Variants in PTK2 observed in about 807,000 individuals in gnomAD.
PTK2 encodes protein tyrosine kinase 2.
In PTK2, 45 loss-of-function variants were observed where a neutral mutation model predicts 150.1. The ratio of observed to expected loss-of-function variants is 0.30; its 90% CI spans 0.24 to 0.38. The LOEUF (loss-of-function observed/expected upper bound fraction) is 0.38. Among genes scored for constraint, PTK2 ranks in the 10% least tolerant of loss-of-function variants. The pLI, the probability that PTK2 is intolerant of heterozygous loss-of-function variation, is 1.00. For synonymous variants in PTK2, 432 were observed against 449.2 expected (o/e 0.96, Z 0.48); for missense variants, 919 against 1,307.3 (o/e 0.70, Z 4.58).
chr8:140,882,408 T>A (rs1006805388), intron 3 of PTK2, among the ~76,000 whole-genome samples: 2 of 152,076 alleles, frequency 1.3e-5, no homozygotes, highest in Non-Finnish European at 1.5e-5. Flanking sequence ...AGGACATGGG[T>A]TTTTAATATG....
chr8:140,679,592 C>T (rs960977909), intron 27 of PTK2, among the ~76,000 whole-genome samples: 1 of 152,128 alleles, frequency 6.6e-6, no homozygotes, highest in Non-Finnish European at 1.5e-5. Flanking sequence ...AGCTGCAGAG[C>T]TGTTAGGGGC....
chr8:140,915,781 A>T (rs2154608116), intron 2 of PTK2, among the ~76,000 whole-genome samples: 1 of 152,206 alleles, frequency 6.6e-6, no homozygotes, highest in South Asian at 2.1e-4. Context: ...GGGTTCCTGT[A>T]ATCCCAGCTA....
chr8:140,927,947 A>G lies in PTK2; in HGVS notation c.-121-2198T>C, dbSNP rs2100170117. Among the ~76,000 whole-genome samples the G allele has an allele frequency of 7.4e-5, 8 of 107,602 alleles. No individual in the cohort carries two copies. In the Admixed American group the frequency reaches 1.0e-3, roughly 14 times the overall value. The allele number at this position is 107,602 out of a possible 152,430, so 70.6% of individuals were successfully genotyped here. A position where few individuals can be genotyped will look rare whatever the true frequency, so the allele number is the denominator to read the frequency against. ...AAAACTCCATCTCAAAAAGAAAAAA[A>G]AAAAAAAAAAGAAAAAAAAAAAAAA... is the stretch of plus-strand genomic sequence containing the variant. On this transcript the variant is annotated intron_variant, in intron 1 of 31. Transcript: ENST00000522684.
chr8:140,803,288 G>A (rs557897728), intron 11 of PTK2, among the ~76,000 whole-genome samples: 2 of 152,084 alleles, frequency 1.3e-5, no homozygotes, highest in African/African-American at 4.8e-5. Flanking sequence ...GTGGGCCACC[G>A]CGCCTGGCCT....
At chr8:140,770,760 C>T (rs756426557) in intron 14 of PTK2, 7 of 1,354,642 alleles carry the variant, frequency 5.2e-6, no homozygotes, top group Admixed American at 2.0e-5. Context: ...AGGGAGAAAG[C>T]GCCTAGCTTT....
At chr8:140,937,519 T>A (rs144177462) in intron 1 of PTK2, among the ~76,000 whole-genome samples, 2,257 of 151,084 alleles carry the variant, frequency 0.015, 33 homozygotes, top group Non-Finnish European at 0.023. Flanking sequence ...CACCTTTGAC[T>A]ACAGGCATTT....
intron 14 of PTK2, among the ~76,000 whole-genome samples, chr8:140,769,116 T>C (rs2100074097): frequency 1.3e-5 from 2 of 152,220 alleles, no homozygotes; most frequent in Admixed American, 1.3e-4. Context: ...CCAATTATCA[T>C]TATTGCTGAT....
chr8:140,686,507 A>T, intron 27 of PTK2, 125 bp downstream of exon 30: 2 of 820,256 alleles, frequency 2.4e-6, no homozygotes, highest in Non-Finnish European at 4.0e-6. Context: ...TTAAAATGTT[A>T]ACTTTATAGA....
At chr8:140,961,024 G>C (rs2100182996) in intron 1 of PTK2, among the ~76,000 whole-genome samples, 1 of 152,126 alleles carries the variant, frequency 6.6e-6, no homozygotes, top group African/African-American at 2.4e-5. Context: ...CTTTTCCTTG[G>C]AAATGTACTT....
intron 14 of PTK2, among the ~76,000 whole-genome samples, chr8:140,766,505 TTTTG>T (rs2100072367): frequency 6.6e-6 from 1 of 152,200 alleles, no homozygotes; most frequent in Non-Finnish European, 1.5e-5. Flanking sequence ...CCTGATATAA[TTTTG>T]TTTCCTGTGA....
chr8:140,868,023 A>T (rs549800436), intron 4 of PTK2, among the ~76,000 whole-genome samples: 1 of 152,318 alleles, frequency 6.6e-6, no homozygotes, highest in Admixed American at 6.5e-5. Context: ...GCAGCTAAAT[A>T]CTATGCCCCA....
At chr8:140,924,038 C>T (rs778543221) in intron 2 of PTK2, among the ~76,000 whole-genome samples, 5 of 152,190 alleles carry the variant, frequency 3.3e-5, no homozygotes, top group Admixed American at 6.5e-5. Flanking sequence ...AGATTCAGCA[C>T]CTACATACTT....
At chr8:140,780,855 G>A (rs566102022) in intron 14 of PTK2, among the ~76,000 whole-genome samples, 4 of 152,174 alleles carry the variant, frequency 2.6e-5, no homozygotes, top group Non-Finnish European at 5.9e-5. Context: ...AGGCAGAGGT[G>A]AAATAAAATT....
intron 11 of PTK2, among the ~76,000 whole-genome samples, chr8:140,802,996 G>C (rs1304246734): frequency 3.6e-5 from 5 of 137,348 alleles, no homozygotes; most frequent in African/African-American, 1.1e-4. Flanking sequence ...CTTGGTACTT[G>C]ATGACAATCT....
At chr8:140,806,112 G>A (rs942136077) in intron 10 of PTK2, among the ~76,000 whole-genome samples, 3 of 152,128 alleles carry the variant, frequency 2.0e-5, no homozygotes, top group South Asian at 4.1e-4. Flanking sequence ...CTGCATCCTC[G>A]ACGGCTTTCA....
At chr8:140,802,409 T>C (rs1361281818) in intron 11 of PTK2, among the ~76,000 whole-genome samples, 1 of 152,166 alleles carries the variant, frequency 6.6e-6, no homozygotes. Flanking sequence ...CTGTACAATA[T>C]ATTTAAAATT....
chr8:140,727,483 T>C (rs1277236167), intron 22 of PTK2, among the ~76,000 whole-genome samples: 4 of 136,522 alleles, frequency 2.9e-5, no homozygotes, highest in Non-Finnish European at 4.7e-5. Flanking sequence ...CCCAATAGGA[T>C]AGCAATGCAA....
chr8:140,998,835 A>C (rs1260915753), intron 1 of PTK2, among the ~76,000 whole-genome samples: 4 of 152,000 alleles, frequency 2.6e-5, no homozygotes, highest in East Asian at 3.9e-4. Flanking sequence ...AAAAAAAAAA[A>C]AACTATTTTC....
intron 2 of PTK2, among the ~76,000 whole-genome samples, chr8:140,903,910 T>G (rs900626310): frequency 6.6e-6 from 1 of 152,256 alleles, no homozygotes; most frequent in African/African-American, 2.4e-5. Context: ...GATGATGGGG[T>G]TTTCTAAATA....
Sources: allele counts gnomAD v4.1 joint callset (sites outside exome capture counted in the v4.1 genomes callset), GRCh38; gene constraint gnomAD v4.1.1; transcripts MANE v1.5; gene names NCBI Gene and HGNC (gene_info 2026-07-23, HGNC 2026-07-21).